The following SUPT3H variants were observed in gnomAD, a reference collection of about 807,000 sequenced individuals.
SUPT3H encodes the protein transcription initiation protein SPT3 homolog.
A neutral mutation model predicts 44.3 loss-of-function variants in SUPT3H; 44 were observed. That is an observed-to-expected ratio of 0.99 (90% confidence interval 0.78 to 1.28). The LOEUF is 1.28. Among genes scored for constraint, SUPT3H ranks in the 50% most tolerant of loss-of-function variants. SUPT3H has a pLI of 0.00. For missense variants in SUPT3H, 380 were observed against 387.1 expected, an observed-to-expected ratio of 0.98 and a Z score of 0.15; for synonymous variants, 124 against 125.6, an observed-to-expected ratio of 0.99 and a Z score of 0.09.
At chr6:45,303,961 A>G (rs1355991829) in intron 2 of SUPT3H, among the ~76,000 whole-genome samples, 3 of 151,396 alleles carry the variant, frequency 2.0e-5, no homozygotes, top group East Asian at 3.9e-4. Context: ...TGGGCGACAG[A>G]GCAAGACTCT....
chr6:44,969,003 C>T (rs1475598243), intron 6 of SUPT3H, among the ~76,000 whole-genome samples: 2 of 152,134 alleles, frequency 1.3e-5, no homozygotes, highest in East Asian at 3.8e-4. Flanking sequence ...GCTGGCCACC[C>T]CTCCCCATCT....
intron 5 of SUPT3H, 57 bp downstream of exon 5, chr6:45,014,744 A>T (rs531741409): frequency 8.0e-7 from 1 of 1,254,840 alleles, no homozygotes; most frequent in Non-Finnish European, 1.1e-6. Context: ...TAAATGTGTT[A>T]TCCAGCACAC....
In SUPT3H at chr6:44,886,227, G is replaced by T. The variant is rs188620645; in HGVS notation, c.912+46426C>A. Among the ~76,000 whole-genome samples the T allele has an allele frequency of 2.7e-3, 413 of 152,208 alleles. 3 individuals are homozygous for T. The highest frequency in any genetic ancestry group is 8.6e-3 in the African/African-American group (357 of 41,528). ...TATCCAGGAGAACTTCCCCAATCTA[G>T]CAAGGCAGGCCAACGTTCAGATTCA... On this transcript the variant is annotated intron_variant, in intron 10 of 10. Coordinates refer to ENST00000371459, the MANE Select transcript of SUPT3H (RefSeq NM_003599.4).
intron 10 of SUPT3H, among the ~76,000 whole-genome samples, chr6:44,885,482 C>T (rs6932249): frequency 0.025 from 3,751 of 152,244 alleles, 169 homozygotes; most frequent in African/African-American, 0.085. Flanking sequence ...CTGCAGCCAC[C>T]GCTGCTGTTA....
chr6:45,062,166 T>C (rs1484615341), intron 3 of SUPT3H, among the ~76,000 whole-genome samples: 1 of 152,056 alleles, frequency 6.6e-6, no homozygotes, highest in African/African-American at 2.4e-5. Flanking sequence ...TTAGGTGAAT[T>C]ATTTCAATTC....
At chr6:45,269,652 C>T (rs889858607) in intron 2 of SUPT3H, among the ~76,000 whole-genome samples, 1 of 152,190 alleles carries the variant, frequency 6.6e-6, no homozygotes. Context: ...TCAAGCTTCA[C>T]AATATCTTTA....
At chr6:44,977,650 TTGCTAGAAAG>T (rs1342174993) in intron 6 of SUPT3H, among the ~76,000 whole-genome samples, 1 of 152,134 alleles carries the variant, frequency 6.6e-6, no homozygotes, top group East Asian at 1.9e-4. Context: ...GTAAAATATA[TTGCTAGAAAG>T]AGTTTAAGAT....
intron 2 of SUPT3H, among the ~76,000 whole-genome samples, chr6:45,242,163 T>C (rs1368248971): frequency 6.6e-6 from 1 of 152,090 alleles, no homozygotes; most frequent in Non-Finnish European, 1.5e-5. Flanking sequence ...ACAAAAACCA[T>C]GCATAACAGC....
intron 10 of SUPT3H, among the ~76,000 whole-genome samples, chr6:44,838,709 G>A (rs958905571): frequency 6.6e-6 from 1 of 152,092 alleles, no homozygotes; most frequent in African/African-American, 2.4e-5. Flanking sequence ...TGATTCTCTT[G>A]AATCACTGCT....
chr6:45,026,143 G>A (rs927546509), intron 3 of SUPT3H, among the ~76,000 whole-genome samples: 3 of 152,102 alleles, frequency 2.0e-5, no homozygotes, highest in African/African-American at 7.2e-5. Flanking sequence ...TATCTATTAT[G>A]CACTCATTAT....
chr6:45,148,535 G>T lies in SUPT3H; in HGVS notation c.102-42529C>A, dbSNP rs1014444110. Among the ~76,000 whole-genome samples, 18 of 152,178 alleles carry T rather than the reference G, an allele frequency of 1.2e-4. 1 individual carries two copies. The highest frequency in any genetic ancestry group is 4.1e-4 in the African/African-American group (17 of 41,528). Reference sequence around the variant, plus strand: ...AAAACTGAACCAAGTCATACAGGAGGACACCAAAAGCACACGCTCAGACAT... The same window carrying T: ...AAAACTGAACCAAGTCATACAGGAGTACACCAAAAGCACACGCTCAGACAT... On this transcript the variant is annotated intron_variant, in intron 2 of 10. Transcript: ENST00000371459.
chr6:45,041,363 A>C (rs1165662162), intron 3 of SUPT3H, among the ~76,000 whole-genome samples: 2 of 152,194 alleles, frequency 1.3e-5, no homozygotes, highest in African/African-American at 4.8e-5. Flanking sequence ...TTCAAAGGGC[A>C]TTCACTGGAG....
At chr6:45,072,683 A>C (rs527400296) in intron 3 of SUPT3H, among the ~76,000 whole-genome samples, 2 of 152,260 alleles carry the variant, frequency 1.3e-5, no homozygotes, top group East Asian at 3.9e-4. Flanking sequence ...AATTGGTTAA[A>C]GTATTCGTAA....
rs545525289 is a variant in SUPT3H, at chr6:44,979,552, A to G, written c.505-17724T>C. ...TGAACAAAGTGTGTGTGGGGGGGGG[A>G]AATCAATGTTCTATGTAAAAGGTTA... On this transcript the variant is annotated intron_variant, in intron 6 of 10. Coordinates refer to ENST00000371459, the MANE Select transcript of SUPT3H (RefSeq NM_003599.4). Among the ~76,000 whole-genome samples the G allele has an allele frequency of 3.9e-3, 592 of 152,082 alleles. 7 individuals carry two copies. The highest frequency in any genetic ancestry group is 0.014 in the African/African-American group (565 of 41,484).
At chr6:45,212,617 A>G (rs914228871) in intron 2 of SUPT3H, among the ~76,000 whole-genome samples, 2 of 151,878 alleles carry the variant, frequency 1.3e-5, no homozygotes, top group Non-Finnish European at 2.9e-5. Flanking sequence ...TTATTGGAGA[A>G]AGTCTTCAAG....
intron 10 of SUPT3H, among the ~76,000 whole-genome samples, chr6:44,906,031 G>T (rs1301426121): frequency 6.6e-6 from 1 of 152,088 alleles, no homozygotes; most frequent in Non-Finnish European, 1.5e-5. Context: ...GTTGTGCGGT[G>T]GGGGGATGGG....
chr6:45,290,485 G>C (rs1291969265), intron 2 of SUPT3H, among the ~76,000 whole-genome samples: 3 of 150,426 alleles, frequency 2.0e-5, no homozygotes. Flanking sequence ...CAGAGGGTAG[G>C]GAGTGGAATG....
intron 2 of SUPT3H, among the ~76,000 whole-genome samples, chr6:45,173,560 A>C (rs571299925): frequency 6.6e-6 from 1 of 152,188 alleles, no homozygotes; most frequent in Non-Finnish European, 1.5e-5. Context: ...AAAGCCAACC[A>C]CTTTTCATTA....
intron 2 of SUPT3H, among the ~76,000 whole-genome samples, chr6:45,281,785 GCCT>G (rs1193465875): frequency 6.6e-6 from 1 of 152,194 alleles, no homozygotes; most frequent in Non-Finnish European, 1.5e-5. Context: ...CAGACAGACT[GCCT>G]CCTCAAGTGG....
Sources: allele counts gnomAD v4.1 joint callset (sites outside exome capture counted in the v4.1 genomes callset), GRCh38; gene constraint gnomAD v4.1.1; transcripts MANE v1.5; gene names NCBI Gene and HGNC (gene_info 2026-07-23, HGNC 2026-07-21).